YTHDF3: variants seen among roughly 807,000 people sequenced by gnomAD.
YTHDF3 encodes the protein YTH domain-containing family protein 3.
YTHDF3 carries 9 observed loss-of-function variants against 52.5 expected under a neutral mutation model. The observed-to-expected ratio is 0.17, with a 90% CI of 0.10 to 0.30. The LOEUF is 0.30. Ranked by LOEUF, YTHDF3 falls within the 10% of genes least tolerant of loss-of-function variation. The probability of loss-of-function intolerance (pLI) is 1.00; values close to 1 mark genes in which losing one functional copy is unlikely to be tolerated. For synonymous variants in YTHDF3, 274 were observed against 243.3 expected, an observed-to-expected ratio of 1.13 and a Z score of -1.18; for missense variants, 534 against 715.0, an observed-to-expected ratio of 0.75 and a Z score of 2.89.
chr8:63,201,767 A>G (rs1043946385), intron 4 of YTHDF3, among the ~76,000 whole-genome samples: 8 of 152,274 alleles, frequency 5.3e-5, no homozygotes, highest in African/African-American at 1.2e-4. Context: ...GAACTAGGCT[A>G]TAAAAGCTAT....
intron 4 of YTHDF3, among the ~76,000 whole-genome samples, chr8:63,208,919 G>A (rs1435295202): frequency 6.6e-6 from 1 of 152,164 alleles, no homozygotes. Flanking sequence ...CCAGCCTGGA[G>A]TGCAATGGTG....
At chr8:63,171,042 C>T (rs923798057) in intron 2 of YTHDF3, among the ~76,000 whole-genome samples, 6 of 152,118 alleles carry the variant, frequency 3.9e-5, no homozygotes, top group East Asian at 3.8e-4. Flanking sequence ...CCATCAGTAT[C>T]GCTTCTGTTA....
chr8:63,208,394 A>G (rs1474782352), intron 4 of YTHDF3, among the ~76,000 whole-genome samples: 3 of 152,238 alleles, frequency 2.0e-5, no homozygotes, highest in Non-Finnish European at 4.4e-5. Flanking sequence ...GTTACAGAAC[A>G]TGTTTTACTC....
intron 3 of YTHDF3, among the ~76,000 whole-genome samples, chr8:63,183,264 T>A (rs1048457713): frequency 6.6e-6 from 1 of 152,100 alleles, no homozygotes; most frequent in African/African-American, 2.4e-5. Flanking sequence ...TCCAGCCCAG[T>A]TTTATCTTTT....
chr8:63,185,738 T>G (rs562740513), intron 3 of YTHDF3, among the ~76,000 whole-genome samples: 1 of 152,344 alleles, frequency 6.6e-6, no homozygotes, highest in Admixed American at 6.5e-5. Flanking sequence ...TATTTAATCC[T>G]TGTGTGTAAG....
chr8:63,176,483 T>C (rs1321851092), intron 3 of YTHDF3, among the ~76,000 whole-genome samples: 2 of 152,058 alleles, frequency 1.3e-5, no homozygotes, highest in Non-Finnish European at 2.9e-5. Flanking sequence ...GGTTTCACCA[T>C]GTTAGCCAGG....
chr8:63,169,487 G>GT, intron 2 of YTHDF3, 76 bp downstream of exon 2: 1 of 1,475,080 alleles, frequency 6.8e-7, no homozygotes, highest in Non-Finnish European at 9.2e-7. Context: ...AGGGTATTTT[G>GT]TTTGTTTTTG....
intron 2 of YTHDF3, among the ~76,000 whole-genome samples, chr8:63,174,346 A>G (rs1258654178): frequency 1.3e-5 from 2 of 152,244 alleles, no homozygotes; most frequent in Admixed American, 1.3e-4. Flanking sequence ...CTAAAGTCAT[A>G]TTAGTCCTAT....
rs1383562606 is a variant in YTHDF3, at chr8:63,187,140, T to A, written c.1129T>A (p.Leu377Ile). ...NNGAGSENFG[L>I]GVVPVSASPS... ...TGGAGCGGGCAGTGAAAACTTTGGT[T>A]TAGGTGTTGTACCTGTCAGTGCTTC... The change falls in exon 4 of 5, where the codon TTA becomes ATA. Residue 377 changes from leucine to isoleucine, a missense_variant. By Grantham distance (5) the Leu-to-Ile change is conservative. Coordinates refer to ENST00000539294, the MANE Select transcript of YTHDF3 (RefSeq NM_152758.6). 6.2e-7 allele frequency: 1 copy of A among 1,613,922 alleles called. No homozygotes were observed. Among genetic ancestry groups the A allele is most frequent in the Admixed American group, 1.7e-5 (1 of 60,022 alleles).
chr8:63,197,541 T>C (rs61223024), intron 4 of YTHDF3, among the ~76,000 whole-genome samples: 13,226 of 152,192 alleles, frequency 0.087, 798 homozygotes, highest in East Asian at 0.35. Flanking sequence ...AACGGTACCT[T>C]AAGCATATTG....
chr8:63,180,004 C>T (rs13282429), intron 3 of YTHDF3, among the ~76,000 whole-genome samples: 18 of 149,610 alleles, frequency 1.2e-4, no homozygotes, highest in Admixed American at 6.6e-4. Flanking sequence ...CCGGATGGGG[C>T]GGCTGGCCGG....
At chr8:63,179,468 G>T (rs1473359665) in intron 3 of YTHDF3, among the ~76,000 whole-genome samples, 1 of 152,152 alleles carries the variant, frequency 6.6e-6, no homozygotes. Flanking sequence ...AGCACATCTT[G>T]CACCGCTCTT....
intron 4 of YTHDF3, among the ~76,000 whole-genome samples, chr8:63,209,179 T>C (rs1474856376): frequency 1.3e-5 from 2 of 152,200 alleles, no homozygotes; most frequent in East Asian, 1.9e-4. Context: ...CATGTTACTT[T>C]TTAATGTGAA....
At chr8:63,192,715 T>G (rs1210915905) in intron 4 of YTHDF3, among the ~76,000 whole-genome samples, 2 of 152,174 alleles carry the variant, frequency 1.3e-5, no homozygotes, top group African/African-American at 2.4e-5. Context: ...GTCATTTTAG[T>G]GCTGAAGGAA....
intron 4 of YTHDF3, among the ~76,000 whole-genome samples, chr8:63,203,016 CG>C (rs1809743817): frequency 6.6e-6 from 1 of 152,014 alleles, no homozygotes; most frequent in African/African-American, 2.4e-5. Context: ...CCAAGGCACG[CG>C]GATCACCTGA....
chr8:63,207,880 TAG>T (rs1810135988), intron 4 of YTHDF3, among the ~76,000 whole-genome samples: 1 of 152,208 alleles, frequency 6.6e-6, no homozygotes. Flanking sequence ...TCTAGCTTAT[TAG>T]AGTGTGCTTC....
Position 63,186,927 on chromosome 8 carries a change from C to A in YTHDF3, c.916C>A (p.Pro306Thr). ...PPQTIIQQPQ[P>T]LIQPPPLVQS... The stretch of plus-strand genomic sequence containing the variant: ...TCAAACTATAATCCAGCAGCCTCAG[C>A]CATTAATTCAACCACCACCATTGGT... Residue 306 changes from proline (P) to threonine (T), a missense_variant, in exon 4 of 5, where the codon CCA becomes ACA. Physicochemically the swap from Pro to Thr is conservative, Grantham distance 38 (BLOSUM62 -1). Around this residue, in one of 3 missense-constraint regions of YTHDF3, gnomAD observed 203 missense variants for 201.3 expected, o/e 1.01. Coordinates refer to ENST00000539294, the MANE Select transcript of YTHDF3 (RefSeq NM_152758.6). The A allele has an allele frequency of 1.2e-6, 2 of 1,613,974 alleles. No individual in the cohort carries two copies. The highest frequency in any genetic ancestry group is 1.7e-6 in the Non-Finnish European group (2 of 1,179,882).
rs143444197 is a variant in YTHDF3 at position 63,189,489 on chromosome 8, T to G, written c.1734+1744T>G. Among the ~76,000 whole-genome samples, 5 of 152,370 alleles carry G rather than the reference T, an allele frequency of 3.3e-5. No individual in the cohort carries two copies. In the East Asian group the frequency reaches 9.6e-4, roughly 29 times the overall value. ...CTATGGAAAGCATGTTCTTATGGAA[T>G]GCTTGTTCCTATGTAGAAATTAAGA... On this transcript the variant is annotated intron_variant, in intron 4 of 4. Transcript: ENST00000539294.
intron 3 of YTHDF3, among the ~76,000 whole-genome samples, chr8:63,184,996 C>A (rs1808403460): frequency 6.6e-6 from 1 of 152,098 alleles, no homozygotes; most frequent in Non-Finnish European, 1.5e-5. Context: ...TGGCGGACGC[C>A]TGTGGTCTCA....
Sources: gnomAD v4.1 joint callset for allele counts (sites outside exome capture counted in the v4.1 genomes callset) on GRCh38, gnomAD v4.1.1 for gene constraint, gnomAD v4.1.1 regional missense constraint, MANE v1.5 for transcripts, NCBI Gene and HGNC (gene_info 2026-07-23, HGNC 2026-07-21) for gene names.